Variants in ELAPOR2 observed in about 807,000 individuals in gnomAD.
The protein encoded by ELAPOR2 is endosome/lysosome-associated apoptosis and autophagy regulator family member 2.
ELAPOR2 carries 89 observed loss-of-function variants against 120.7 expected under a neutral mutation model. The ratio of observed to expected loss-of-function variants is 0.74; its 90% confidence interval spans 0.62 to 0.88. The LOEUF (loss-of-function observed/expected upper bound fraction) is 0.88. Ranked by LOEUF, ELAPOR2 falls within the 40% of genes least tolerant of loss-of-function variation. The pLI is 0.00. For synonymous variants in ELAPOR2, 444 were observed against 444.9 expected, an observed-to-expected ratio of 1.00 and a Z score of 0.03; for missense variants, 1,134 against 1,251.6, an observed-to-expected ratio of 0.91 and a Z score of 1.42.
At chr7:87,012,271 A>T (rs1032574771) in intron 1 of ELAPOR2, among the ~76,000 whole-genome samples, 2 of 152,098 alleles carry the variant, frequency 1.3e-5, no homozygotes, top group Admixed American at 6.6e-5. Context: ...TTAGCTGGGC[A>T]TGGTGGCGCA....
chr7:86,929,496 C>T (rs534434093), intron 8 of ELAPOR2, among the ~76,000 whole-genome samples: 1 of 152,064 alleles, frequency 6.6e-6, no homozygotes, highest in South Asian at 2.1e-4. Flanking sequence ...GGGCACTCAT[C>T]ATTTGTCTCT....
Position 87,040,196 on chromosome 7 carries a change from A to G in ELAPOR2, c.189+19129T>C, listed in dbSNP as rs886998225. On this transcript the variant is annotated intron_variant, in intron 1 of 21. Coordinates refer to ENST00000450689, the MANE Select transcript of ELAPOR2 (RefSeq NM_001142749.3). ...CAAGGCGGCAGCGAGGCTGGGGGAG[A>G]GGCGCCCGCCATTGCCCAGGCTTGC... 8.0e-3 allele frequency among the ~76,000 whole-genome samples: 1,209 copies of G among 151,992 alleles called. 12 individuals are homozygous for G. The highest frequency in any genetic ancestry group is 0.028 in the African/African-American group (1,148 of 41,406).
intron 8 of ELAPOR2, among the ~76,000 whole-genome samples, chr7:86,928,462 G>T (rs1790177051): frequency 1.3e-5 from 2 of 151,976 alleles, no homozygotes; most frequent in South Asian, 4.1e-4. Context: ...TTATGTGTGA[G>T]CTACTGCACT....
chr7:87,005,484 G>T (rs182362671), intron 1 of ELAPOR2, among the ~76,000 whole-genome samples: 2 of 152,140 alleles, frequency 1.3e-5, no homozygotes, highest in Non-Finnish European at 2.9e-5. Context: ...GAAGGAAAGA[G>T]TATTCAGAAC....
chr7:86,938,143 A>T lies in ELAPOR2; in HGVS notation c.1072T>A (p.Cys358Ser). The T allele has an allele frequency of 6.4e-7, 1 of 1,550,984 alleles. No individual in the cohort carries two copies. The highest frequency in any genetic ancestry group is 8.7e-7 in the Non-Finnish European group (1 of 1,145,948). ...GCTGGTACCTTTCCTTCTTCATCAC[A>T]TGGAGTATGGATCTGGAAATAGTCT... ...TKDYFQIHTP[C>S]DEEGKTQIMY... Residue 358 changes from cysteine to serine, a missense_variant, in exon 8 of 22, where the codon TGT becomes AGT. By Grantham distance (112) the Cys-to-Ser change is moderately radical (BLOSUM62 -1). Coordinates refer to ENST00000450689, the MANE Select transcript of ELAPOR2 (RefSeq NM_001142749.3).
chr7:86,909,755 C>A (rs1264963713), intron 16 of ELAPOR2, 57 bp downstream of exon 16: 6 of 1,385,246 alleles, frequency 4.3e-6, no homozygotes, highest in African/African-American at 2.9e-5. Flanking sequence ...ACAAGTTATT[C>A]ATAGCATAAT....
At chr7:86,984,100 T>C (rs563253815) in intron 1 of ELAPOR2, among the ~76,000 whole-genome samples, 1 of 152,244 alleles carries the variant, frequency 6.6e-6, no homozygotes, top group East Asian at 1.9e-4. Context: ...GGAAGGCCAC[T>C]ACATAATGGT....
chr7:86,967,284 A>G (rs1791942915), intron 1 of ELAPOR2, among the ~76,000 whole-genome samples: 1 of 151,958 alleles, frequency 6.6e-6, no homozygotes, highest in Admixed American at 6.6e-5. Context: ...ACATGGCGAA[A>G]CCCTGTCTCT....
intron 21 of ELAPOR2, 130 bp from the exon 22 acceptor site, chr7:86,880,660 T>C (rs1344834219): frequency 3.1e-6 from 2 of 640,386 alleles, no homozygotes; most frequent in East Asian, 2.8e-5. Context: ...ATTAGGATTT[T>C]ACAGTTAAAA....
chr7:86,880,494 T>C lies in ELAPOR2; in HGVS notation c.3067A>G (p.Thr1023Ala), dbSNP rs957357188. 1.3e-4 allele frequency: 213 copies of C among 1,610,120 alleles called. No individual in the cohort carries two copies. The highest frequency in any genetic ancestry group is 1.8e-4 in the Non-Finnish European group (208 of 1,176,824). Residue 1023 changes from threonine (T) to alanine (A), a missense_variant, in exon 22 of 22, where the codon ACC (threonine) becomes GCC (alanine). Physicochemically the swap from Thr to Ala is moderately conservative, Grantham distance 58. Coordinates refer to ENST00000450689, the MANE Select transcript of ELAPOR2 (RefSeq NM_001142749.3). ...EDHFESVQLK[T>A]SRSPNI ...CTTCATATATTTGGGGATCTTGAGG[T>C]TTTCAGTTGAACAGATTCAAAATGG...
At chr7:87,045,596 T>A (rs1174012825) in intron 1 of ELAPOR2, among the ~76,000 whole-genome samples, 3 of 63,782 alleles carry the variant, frequency 4.7e-5, no homozygotes, top group East Asian at 9.5e-4. Context: ...TATCACACTC[T>A]GGGGGCTGTT....
At chr7:86,954,955 T>C (rs1283127379) in intron 2 of ELAPOR2, among the ~76,000 whole-genome samples, 1 of 152,118 alleles carries the variant, frequency 6.6e-6, no homozygotes, top group African/African-American at 2.4e-5. Flanking sequence ...AAGAGAACAA[T>C]GCTTAGTGTG....
intron 18 of ELAPOR2, among the ~76,000 whole-genome samples, chr7:86,902,737 C>T (rs1257480752): frequency 1.3e-5 from 2 of 152,064 alleles, no homozygotes; most frequent in African/African-American, 2.4e-5. Context: ...AGGAGTCTGG[C>T]CCCTCTTATT....
At chr7:87,011,365 C>T (rs117480190) in intron 1 of ELAPOR2, among the ~76,000 whole-genome samples, 1 of 152,110 alleles carries the variant, frequency 6.6e-6, no homozygotes, top group East Asian at 1.9e-4. Flanking sequence ...GAGAACCTTT[C>T]CTAGACTGAA....
At chr7:87,027,475 T>C (rs1278692927) in intron 1 of ELAPOR2, among the ~76,000 whole-genome samples, 6 of 152,148 alleles carry the variant, frequency 3.9e-5, no homozygotes, top group Admixed American at 6.6e-5. Flanking sequence ...ATGGGTTGAA[T>C]TGTGTCCCCA....
chr7:86,988,082 C>T (rs1017360226), intron 1 of ELAPOR2, among the ~76,000 whole-genome samples: 83 of 152,134 alleles, frequency 5.5e-4, no homozygotes, highest in African/African-American at 1.9e-3. Context: ...TGATTCTGGG[C>T]AAACTATCAC....
chr7:86,954,284 A>G lies in ELAPOR2; in HGVS notation c.311-6362T>C, dbSNP rs540206851. Among the ~76,000 whole-genome samples, 13 of 152,302 alleles carry G rather than the reference A, an allele frequency of 8.5e-5. No individual in the cohort carries two copies. The East Asian group carries it at 2.1e-3, about 25-fold the overall frequency. ...CAAATAACTGTTACTGAATTGAATC[A>G]TTTATATGCTGATTATCATCTATGA... is the stretch of plus-strand genomic sequence containing the variant. On this transcript the variant is annotated intron_variant, in intron 2 of 21. Coordinates refer to ENST00000450689, the MANE Select transcript of ELAPOR2 (RefSeq NM_001142749.3).
rs537466697 is a variant in ELAPOR2 at position 86,897,340 on chromosome 7, C to A, written c.2685+166G>T. Reference sequence around the variant, plus strand: ...ATCCCAGTGCACATCTGCAGCTACCCTAGCATCTGAGAGTTCAGCTGCCAA... The same window carrying A: ...ATCCCAGTGCACATCTGCAGCTACCATAGCATCTGAGAGTTCAGCTGCCAA... On this transcript the variant is annotated intron_variant, in intron 19 of 21. Transcript: ENST00000450689. 2.0e-5 allele frequency among the ~76,000 whole-genome samples: 3 copies of A among 152,226 alleles called. No individual in the cohort carries two copies. The South Asian group carries it at 6.2e-4, about 32-fold the overall frequency.
At chr7:86,891,010 C>G (rs1227022415) in intron 21 of ELAPOR2, among the ~76,000 whole-genome samples, 1 of 151,818 alleles carries the variant, frequency 6.6e-6, no homozygotes, top group Non-Finnish European at 1.5e-5. Context: ...TCTTTTAAGT[C>G]AATGGTGAAA....
Sources: allele counts gnomAD v4.1 joint callset (sites outside exome capture counted in the v4.1 genomes callset), GRCh38; gene constraint gnomAD v4.1.1; transcripts MANE v1.5; gene names NCBI Gene and HGNC (gene_info 2026-07-23, HGNC 2026-07-21).